CCDC91: variants seen among roughly 807,000 people sequenced by gnomAD.
CCDC91 encodes coiled-coil domain containing 91.
A neutral mutation model predicts 63.2 loss-of-function variants in CCDC91; 48 were observed. The ratio of observed to expected loss-of-function variants is 0.76; its 90% CI spans 0.60 to 0.97. The LOEUF (loss-of-function observed/expected upper bound fraction) is 0.97. CCDC91 is among the 50% of genes least tolerant of loss of function. The pLI is 0.00. For synonymous variants in CCDC91, 167 were observed against 165.8 expected (o/e 1.01, Z -0.06); for missense variants, 500 against 494.6 (o/e 1.01, Z -0.10).
At chr12:28,500,224 T>C (rs1952563141) in intron 12 of CCDC91, among the ~76,000 whole-genome samples, 1 of 151,842 alleles carries the variant, frequency 6.6e-6, no homozygotes, top group Non-Finnish European at 1.5e-5. Flanking sequence ...TTTAAGTTCT[T>C]TGTAGATTCT....
At chr12:28,416,837 C>T (rs1331867529) in intron 8 of CCDC91, among the ~76,000 whole-genome samples, 1 of 151,958 alleles carries the variant, frequency 6.6e-6, no homozygotes, top group East Asian at 1.9e-4. Flanking sequence ...ACAACTATAG[C>T]AATGGTTATA....
rs1941116584 is a variant in CCDC91, at chr12:28,190,617, A to AGCG, written c.-37_-35dup. ...CGTGGGTGAGCGGCGCAGCGGCGGC[A>AGCG]GCGGAGAGCGAGAGAGGGGAGCAGG... is the stretch of plus-strand genomic sequence containing the variant. On this transcript the variant is annotated 5_prime_UTR_variant, in exon 1 of 13. Coordinates refer to ENST00000536442, the MANE Select transcript of CCDC91 (RefSeq NM_018318.5). The AGCG allele has an allele frequency of 6.5e-6, 1 of 154,972 alleles. No homozygotes were observed. The highest frequency in any genetic ancestry group is 2.0e-4 in the South Asian group (1 of 4,880). 9.6% of individuals were successfully genotyped at this position (154,972 alleles called of 1,614,324 possible).
At chr12:28,357,476 A>G (rs1049969179) in intron 6 of CCDC91, among the ~76,000 whole-genome samples, 11 of 152,260 alleles carry the variant, frequency 7.2e-5, no homozygotes, top group African/African-American at 2.6e-4. Context: ...ATGACTAGTT[A>G]TATGTCTTTG....
rs1473115836 is a variant in CCDC91, at chr12:28,362,486, G to A, written c.625G>A (p.Ala209Thr). ...AGACATGAGGAAAGCTGGTCACGAA[G>A]CCCTCAGCATTATTGTGGATGAATA... ...LEDMRKAGHE[A>T]LSIIVDEYKA... Residue 209 changes from alanine to threonine, a missense_variant, in exon 7 of 13, where the codon GCC becomes ACC. Physicochemically the swap from Ala to Thr is moderately conservative, Grantham distance 58. Transcript: ENST00000536442. 6 of 1,598,836 alleles carry A rather than the reference G, an allele frequency of 3.8e-6. No homozygotes were observed. The highest frequency in any genetic ancestry group is 4.3e-6 in the Non-Finnish European group (5 of 1,172,464).
chr12:28,496,939 T>TGC (rs1555109874), intron 12 of CCDC91, among the ~76,000 whole-genome samples: 7 of 144,132 alleles, frequency 4.9e-5, no homozygotes, highest in Non-Finnish European at 7.6e-5. Context: ...TACATATATA[T>TGC]ATACATATAT....
Position 28,336,703 on chromosome 12 carries a change from G to C in CCDC91, c.577-25735G>C, listed in dbSNP as rs371578392. 5.3e-5 allele frequency among the ~76,000 whole-genome samples: 8 copies of C among 152,142 alleles called. No homozygotes were observed. In the East Asian group the frequency reaches 1.2e-3, roughly 22 times the overall value. On this transcript the variant is annotated intron_variant, in intron 6 of 12. Coordinates refer to ENST00000536442, the MANE Select transcript of CCDC91 (RefSeq NM_018318.5). ...GTTTATAAAACATGAAAGTAGACAG[G>C]AGAATAGGAAGGTCTGACATTGTTC...
chr12:28,309,447 C>T (rs1430851644), intron 6 of CCDC91, among the ~76,000 whole-genome samples: 1 of 151,958 alleles, frequency 6.6e-6, no homozygotes, highest in Non-Finnish European at 1.5e-5. Flanking sequence ...TGCTTTTAGT[C>T]CAACACTCCA....
intron 1 of CCDC91, among the ~76,000 whole-genome samples, chr12:28,201,573 G>C (rs9262686): frequency 7.3e-6 from 1 of 137,196 alleles, no homozygotes; most frequent in African/African-American, 2.7e-5. Context: ...GGCTCCTCAC[G>C]TCCCAGGCGA....
At chr12:28,326,597 G>T (rs1941031230) in intron 6 of CCDC91, among the ~76,000 whole-genome samples, 1 of 127,984 alleles carries the variant, frequency 7.8e-6, no homozygotes, top group Non-Finnish European at 1.5e-5. Context: ...TTCCCTTCCT[G>T]TGTCCATGTG....
At chr12:28,259,465 GTTTT>G (rs79131127) in intron 3 of CCDC91, 23 bp downstream of exon 3, 23 of 1,144,660 alleles carry the variant, frequency 2.0e-5, no homozygotes, top group Admixed American at 4.5e-5. Context: ...AGGAATTAGG[GTTTT>G]TTTTTTTTTT....
At chr12:28,218,147 T>C (rs1175516546) in intron 1 of CCDC91, among the ~76,000 whole-genome samples, 2 of 152,174 alleles carry the variant, frequency 1.3e-5, no homozygotes, top group Non-Finnish European at 2.9e-5. Context: ...CACATCTTTT[T>C]CCCCTAATAT....
intron 1 of CCDC91, among the ~76,000 whole-genome samples, chr12:28,242,738 TC>T (rs1444699807): frequency 1.2e-4 from 18 of 152,094 alleles, no homozygotes. Context: ...CAAATTGTAA[TC>T]CCCAGTGCTG....
chr12:28,269,007 A>T (rs1947553586), intron 3 of CCDC91, among the ~76,000 whole-genome samples: 1 of 152,108 alleles, frequency 6.6e-6, no homozygotes, highest in Non-Finnish European at 1.5e-5. Flanking sequence ...GGGTTGAGGG[A>T]CCCACAGGAA....
At chr12:28,367,371 C>T (rs1944342559) in intron 7 of CCDC91, among the ~76,000 whole-genome samples, 1 of 151,758 alleles carries the variant, frequency 6.6e-6, no homozygotes, top group Non-Finnish European at 1.5e-5. Flanking sequence ...CAGAGATGGG[C>T]TCAATAATGG....
intron 1 of CCDC91, among the ~76,000 whole-genome samples, chr12:28,223,675 T>C (rs1409460125): frequency 6.6e-6 from 1 of 152,234 alleles, no homozygotes; most frequent in African/African-American, 2.4e-5. Flanking sequence ...AATTGTAATG[T>C]ATTAGTGATG....
chr12:28,319,393 A>G (rs147255560), intron 6 of CCDC91: 1 of 151,942 alleles, frequency 6.6e-6, no homozygotes, highest in Non-Finnish European at 1.5e-5. Flanking sequence ...TTAAGCAAAC[A>G]TCTATTCTGT....
At chr12:28,257,580 G>T (rs1321213864) in intron 2 of CCDC91, among the ~76,000 whole-genome samples, 2 of 152,078 alleles carry the variant, frequency 1.3e-5, no homozygotes, top group Non-Finnish European at 2.9e-5. Flanking sequence ...ATACTTGTGA[G>T]ATGATGGATG....
chr12:28,281,274 A>G (rs1948594601), intron 3 of CCDC91, among the ~76,000 whole-genome samples: 1 of 152,194 alleles, frequency 6.6e-6, no homozygotes, highest in Admixed American at 6.5e-5. Context: ...TAGGAGATAC[A>G]TGTTATAAAT....
At chr12:28,450,942 T>A (rs759269768) in intron 10 of CCDC91, among the ~76,000 whole-genome samples, 12 of 151,790 alleles carry the variant, frequency 7.9e-5, no homozygotes, top group Non-Finnish European at 1.6e-4. Context: ...TATGATTTTG[T>A]CTTTTTCTTA....
Sources: gnomAD v4.1 joint callset for allele counts (sites outside exome capture counted in the v4.1 genomes callset) on GRCh38, gnomAD v4.1.1 for gene constraint, MANE v1.5 for transcripts, NCBI Gene and HGNC (gene_info 2026-07-23, HGNC 2026-07-21) for gene names.